The following EDARADD variants were observed in gnomAD, a reference collection of about 807,000 sequenced individuals.
EDARADD encodes the protein EDAR associated via death domain, also known as ectodysplasin-A receptor-associated adapter protein.
Under a neutral mutation model 25.6 loss-of-function variants are expected in EDARADD, and 20 were observed. The observed-to-expected ratio is 0.78, with a 90% CI of 0.55 to 1.14. The LOEUF (loss-of-function observed/expected upper bound fraction) is 1.14. EDARADD is among the 50% of genes most tolerant of loss of function. The pLI is 0.00. For synonymous variants in EDARADD, 86 were observed against 94.4 expected (o/e 0.91, Z 0.52); for missense variants, 225 against 270.1 (o/e 0.83, Z 1.17).
intron 1 of EDARADD, among the ~76,000 whole-genome samples, chr1:236,402,136 A>G (rs1338677657): frequency 6.6e-6 from 1 of 152,032 alleles, no homozygotes; most frequent in Non-Finnish European, 1.5e-5. Flanking sequence ...TAATTTTTTT[A>G]TTTTTAATAG....
upstream of EDARADD, among the ~76,000 whole-genome samples, chr1:236,390,032 G>A (rs1667402508): frequency 6.6e-6 from 1 of 151,934 alleles, no homozygotes; most frequent in Non-Finnish European, 1.5e-5. Context: ...CAAGAAGGTA[G>A]CAAAAGAAGA....
intron 5 of EDARADD, among the ~76,000 whole-genome samples, chr1:236,476,858 G>T (rs988117753): frequency 2.6e-5 from 4 of 151,730 alleles, no homozygotes; most frequent in Non-Finnish European, 5.9e-5. Flanking sequence ...AAAATTAGTT[G>T]GGCATGGAGG....
At chr1:236,458,331 A>G (rs1658931844) in intron 4 of EDARADD, among the ~76,000 whole-genome samples, 1 of 148,364 alleles carries the variant, frequency 6.7e-6, no homozygotes, top group East Asian at 1.9e-4. Flanking sequence ...TAAACCATTA[A>G]AAAGAAGAGA....
chr1:236,484,439 C>T lies in EDARADD; in HGVS notation c.*1790C>T, dbSNP rs1571965603. ...TGGGCAGCAAGGCTAAGTTTGCCGG[C>T]AGGAACTTCAGAAACCCCCCAGCCA... On this transcript the variant is annotated 3_prime_UTR_variant, in exon 6 of 6. Coordinates refer to ENST00000334232, the MANE Select transcript of EDARADD (RefSeq NM_145861.4). The surrounding 1 kb of genome is among the most constrained non-coding windows in gnomAD (Gnocchi z 4.1). The T allele has an allele frequency of 1.9e-6, 3 of 1,609,620 alleles. No individual in the cohort carries two copies. Among genetic ancestry groups the T allele is most frequent in the East Asian group, 4.5e-5 (2 of 44,856 alleles).
chr1:236,458,641 CTTTT>C (rs5781887), intron 4 of EDARADD, among the ~76,000 whole-genome samples: 2 of 113,534 alleles, frequency 1.8e-5, no homozygotes, highest in African/African-American at 6.6e-5. Context: ...TTTTCTTTTT[CTTTT>C]TTTTTTTTTT....
At chr1:236,424,809 T>C (rs1327853504) in intron 3 of EDARADD, among the ~76,000 whole-genome samples, 3 of 152,218 alleles carry the variant, frequency 2.0e-5, no homozygotes. Context: ...TGCTGGCCTA[T>C]AACCCAGAGG....
At chr1:236,410,454 T>A (rs1383039625) in intron 2 of EDARADD, among the ~76,000 whole-genome samples, 1 of 152,156 alleles carries the variant, frequency 6.6e-6, no homozygotes, top group East Asian at 1.9e-4. Context: ...GCCATCATTA[T>A]TTTTCAACCT....
chr1:236,470,628 A>G (rs1392962535), intron 5 of EDARADD, among the ~76,000 whole-genome samples: 1 of 152,028 alleles, frequency 6.6e-6, no homozygotes, highest in Admixed American at 6.6e-5. Flanking sequence ...TTTTTGAGAC[A>G]GAGTTTCACT....
At chr1:236,451,083 C>T (rs1658699448) in intron 4 of EDARADD, among the ~76,000 whole-genome samples, 1 of 152,158 alleles carries the variant, frequency 6.6e-6, no homozygotes, top group African/African-American at 2.4e-5. Context: ...CAGCCAACCC[C>T]AGTTCTTCCT....
intron 3 of EDARADD, among the ~76,000 whole-genome samples, chr1:236,388,753 G>A (rs1459806388): frequency 6.6e-6 from 1 of 152,156 alleles, no homozygotes; most frequent in Non-Finnish European, 1.5e-5. Context: ...AGTTCTAATA[G>A]TTTCTCAGGT....
At chr1:236,370,598 C>T (rs930339429) in intron 3 of EDARADD, among the ~76,000 whole-genome samples, 9 of 152,094 alleles carry the variant, frequency 5.9e-5, no homozygotes, top group African/African-American at 1.7e-4. Context: ...GCTGATCAGT[C>T]GGAGATGAAA....
chr1:236,354,303 G>A (rs56335553), intron 3 of EDARADD, among the ~76,000 whole-genome samples: 1,767 of 152,198 alleles, frequency 0.012, 17 homozygotes, highest in Admixed American at 0.022. Flanking sequence ...TCAGAATGAG[G>A]GAAAAGGCTA....
chr1:236,443,938 G>C (rs1419546932), intron 4 of EDARADD, among the ~76,000 whole-genome samples: 1 of 152,026 alleles, frequency 6.6e-6, no homozygotes, highest in Non-Finnish European at 1.5e-5. Flanking sequence ...CCATTGATGT[G>C]GCAAACCTTA....
intron 3 of EDARADD, among the ~76,000 whole-genome samples, chr1:236,367,016 G>A (rs1200280173): frequency 3.3e-5 from 5 of 149,836 alleles, no homozygotes; most frequent in Non-Finnish European, 5.9e-5. Flanking sequence ...CTCAGGAGAC[G>A]GAGGTTGCAG....
At chr1:236,462,277 G>A (rs1263946103) in intron 4 of EDARADD, among the ~76,000 whole-genome samples, 18 of 152,048 alleles carry the variant, frequency 1.2e-4, no homozygotes, top group Non-Finnish European at 2.2e-4. Flanking sequence ...TGGGGAAAAC[G>A]GGCCAGTTTG....
intron 3 of EDARADD, among the ~76,000 whole-genome samples, chr1:236,383,454 A>G (rs1667323030): frequency 6.6e-6 from 1 of 150,806 alleles, no homozygotes; most frequent in Non-Finnish European, 1.5e-5. Flanking sequence ...CCTTGTTTGT[A>G]TTCCAGCTCC....
chr1:236,424,015 A>C (rs1657845607), intron 3 of EDARADD, among the ~76,000 whole-genome samples: 1 of 152,168 alleles, frequency 6.6e-6, no homozygotes, highest in East Asian at 1.9e-4. Flanking sequence ...CTAGGGTAGG[A>C]GAATCACTCA....
chr1:236,447,196 C>CT (rs1399503599), intron 4 of EDARADD, among the ~76,000 whole-genome samples: 4 of 59,918 alleles, frequency 6.7e-5, no homozygotes, highest in Admixed American at 3.8e-4. Flanking sequence ...TTCTTTCTTT[C>CT]TTTCTTTCTT....
intron 4 of EDARADD, among the ~76,000 whole-genome samples, chr1:236,463,901 C>T (rs1267955794): frequency 6.6e-6 from 1 of 152,188 alleles, no homozygotes; most frequent in Admixed American, 6.5e-5. Flanking sequence ...GAATACACTC[C>T]AGGCCCAGTG....
Sources: gnomAD v4.1 joint callset for allele counts (sites outside exome capture counted in the v4.1 genomes callset) on GRCh38, gnomAD v4.1.1 for gene constraint, Gnocchi (gnomAD v3.1) non-coding constraint, MANE v1.5 for transcripts, NCBI Gene and HGNC (gene_info 2026-07-23, HGNC 2026-07-21) for gene names.